The following DCAF5 variants were observed in gnomAD, a reference collection of about 807,000 sequenced individuals.
DCAF5 encodes the protein DDB1- and CUL4-associated factor 5.
DCAF5 carries 9 observed loss-of-function variants against 80.7 expected under a neutral mutation model. The ratio of observed to expected loss-of-function variants is 0.11; its 90% CI spans 0.07 to 0.19. The LOEUF (loss-of-function observed/expected upper bound fraction) is 0.19. Among genes scored for constraint, DCAF5 ranks in the 10% least tolerant of loss-of-function variants. DCAF5 has a pLI of 1.00. For missense variants in DCAF5, 842 were observed against 1,205.7 expected (o/e 0.70, Z 4.47); for synonymous variants, 433 against 461.9 (o/e 0.94, Z 0.80).
chr14:69,051,963 A>C lies in DCAF5; in HGVS notation c.*1894T>G, dbSNP rs960974142. On this transcript the variant is annotated 3_prime_UTR_variant, in exon 9 of 9. Transcript: ENST00000341516. ...AACCAGCATTTACAATTATCTGTGA[A>C]TAGTCAAAGACAAATCATAGAACCA... is the stretch of plus-strand genomic sequence containing the variant. The C allele has an allele frequency of 2.6e-5, 4 of 152,630 alleles. No individual in the cohort carries two copies. The highest frequency in any genetic ancestry group is 4.8e-5 in the African/African-American group (2 of 41,446). The allele number at this position is 152,630 out of a possible 1,614,324, so 9.5% of individuals were successfully genotyped here. A position where few individuals can be genotyped will look rare whatever the true frequency, so the allele number is the denominator to read the frequency against.
chr14:69,129,994 T>C (rs1465160801), intron 1 of DCAF5, among the ~76,000 whole-genome samples: 2 of 152,238 alleles, frequency 1.3e-5, no homozygotes, highest in Admixed American at 6.5e-5. Flanking sequence ...TATAATCACA[T>C]TGTGGCAGCA....
intron 6 of DCAF5, chr14:69,089,677 C>T (rs1375240346): frequency 6.6e-6 from 1 of 152,412 alleles, no homozygotes; most frequent in Non-Finnish European, 1.5e-5. Context: ...TATGACAATA[C>T]CTGCCCCAAT....
At chr14:69,122,488 G>T (rs1359267958) in intron 1 of DCAF5, 128 bp from the exon 2 acceptor site, 8 of 960,166 alleles carry the variant, frequency 8.3e-6, no homozygotes, top group Non-Finnish European at 1.2e-5. Flanking sequence ...TTCGCATGGA[G>T]CACAAAAACC....
chr14:69,108,344 C>T (rs1710991), intron 5 of DCAF5, among the ~76,000 whole-genome samples: 6,893 of 152,134 alleles, frequency 0.045, 206 homozygotes, highest in Non-Finnish European at 0.071. Context: ...GACATGAACA[C>T]GTAAAGAAAA....
intron 5 of DCAF5, among the ~76,000 whole-genome samples, chr14:69,105,152 T>C (rs1439305917): frequency 1.3e-5 from 2 of 152,052 alleles, no homozygotes; most frequent in African/African-American, 4.8e-5. Context: ...ATACCCAAAA[T>C]AATTGAAAAC....
rs557689356 is a variant in DCAF5, at chr14:69,095,269, C to T, written c.666-3382G>A. Reference sequence around the variant, plus strand: ...TCCTTCAGAGAAGTGGCCACCAATACATTCAAATGAGATGAGCAATATATT... The same window carrying T: ...TCCTTCAGAGAAGTGGCCACCAATATATTCAAATGAGATGAGCAATATATT... On this transcript the variant is annotated intron_variant, in intron 5 of 8. Coordinates refer to ENST00000341516, the MANE Select transcript of DCAF5 (RefSeq NM_003861.3). Among the ~76,000 whole-genome samples, 273 of 152,298 alleles carry T rather than the reference C, an allele frequency of 1.8e-3. 1 individual carries two copies. The highest frequency in any genetic ancestry group is 6.3e-3 in the African/African-American group (262 of 41,558).
At chr14:69,058,087 T>C (rs942870512) in intron 8 of DCAF5, among the ~76,000 whole-genome samples, 2 of 152,250 alleles carry the variant, frequency 1.3e-5, no homozygotes, top group Non-Finnish European at 2.9e-5. Flanking sequence ...TTATAAGTAC[T>C]GACCGTTCCT....
chr14:69,076,828 G>A (rs560471580), intron 6 of DCAF5, among the ~76,000 whole-genome samples: 3 of 152,240 alleles, frequency 2.0e-5, no homozygotes, highest in Middle Eastern at 3.4e-3. Flanking sequence ...AATGCAGAAC[G>A]TAAAAACTAG....
intron 6 of DCAF5, chr14:69,085,372 A>T: frequency 1.6e-6 from 1 of 616,606 alleles, no homozygotes; most frequent in South Asian, 1.6e-5. Flanking sequence ...ATCCAACCGC[A>T]GGCAGTTCTC....
chr14:69,105,767 G>A (rs1400766203), intron 5 of DCAF5, among the ~76,000 whole-genome samples: 1 of 151,054 alleles, frequency 6.6e-6, no homozygotes, highest in Non-Finnish European at 1.5e-5. Context: ...TTTGGCATCA[G>A]ACTGAAGCCT....
intron 6 of DCAF5, chr14:69,091,101 A>G (rs1213823379): frequency 1.3e-6 from 1 of 757,710 alleles, no homozygotes; most frequent in Non-Finnish European, 2.4e-6. Context: ...ATTCCTGGTG[A>G]GACTCAGAAA....
intron 7 of DCAF5, among the ~76,000 whole-genome samples, chr14:69,067,430 C>T (rs529897662): frequency 4.0e-5 from 6 of 151,038 alleles, no homozygotes; most frequent in East Asian, 3.9e-4. Context: ...TGCAACCCCC[C>T]GCTCCCAGGC....
chr14:69,126,155 C>CTT (rs1192300819), intron 1 of DCAF5, among the ~76,000 whole-genome samples: 1 of 128,786 alleles, frequency 7.8e-6, no homozygotes, highest in African/African-American at 2.8e-5. Context: ...GACAGAGATT[C>CTT]TTTTTTTTTT....
intron 5 of DCAF5, among the ~76,000 whole-genome samples, chr14:69,105,657 C>G (rs2040111683): frequency 6.6e-6 from 1 of 151,870 alleles, no homozygotes; most frequent in African/African-American, 2.4e-5. Flanking sequence ...AAGCCTGATG[C>G]TTTGCTTCCT....
At chr14:69,134,274 T>G (rs2041126745) in intron 1 of DCAF5, among the ~76,000 whole-genome samples, 6 of 152,182 alleles carry the variant, frequency 3.9e-5, no homozygotes. Flanking sequence ...AGAAATGATT[T>G]TAATAATTAC....
intron 2 of DCAF5, among the ~76,000 whole-genome samples, chr14:69,119,704 CA>C (rs33936553): frequency 0.47 from 65,473 of 139,678 alleles, 15,724 homozygotes; most frequent in African/African-American, 0.61. Flanking sequence ...GAGACTGTCT[CA>C]AAAAAAAAAA....
intron 5 of DCAF5, among the ~76,000 whole-genome samples, chr14:69,114,136 T>C (rs1157027344): frequency 6.6e-6 from 1 of 152,184 alleles, no homozygotes; most frequent in African/African-American, 2.4e-5. Context: ...TTGGCAGATT[T>C]GTAAGTTAGT....
chr14:69,143,494 C>T (rs2140119436), intron 1 of DCAF5, among the ~76,000 whole-genome samples: 1 of 148,794 alleles, frequency 6.7e-6, no homozygotes, highest in Non-Finnish European at 1.5e-5. Flanking sequence ...GAAATGCCCC[C>T]AAATAATATT....
intron 1 of DCAF5, among the ~76,000 whole-genome samples, chr14:69,147,002 T>C (rs1216171850): frequency 6.6e-6 from 1 of 152,264 alleles, no homozygotes; most frequent in Non-Finnish European, 1.5e-5. Context: ...TCAGGCTTTA[T>C]TTAACTGGCT....
Sources: gnomAD v4.1 joint callset for allele counts (sites outside exome capture counted in the v4.1 genomes callset) on GRCh38, gnomAD v4.1.1 for gene constraint, MANE v1.5 for transcripts, NCBI Gene and HGNC (gene_info 2026-07-23, HGNC 2026-07-21) for gene names.